The following EML6 variants were observed in gnomAD, a reference collection of about 807,000 sequenced individuals.
EML6 encodes the protein echinoderm microtubule-associated protein-like 6.
In EML6, 154 loss-of-function variants were observed where a neutral mutation model predicts 240.1. The observed-to-expected ratio is 0.64, with a 90% CI of 0.56 to 0.73. The LOEUF is 0.73. EML6 is among the 30% of genes least tolerant of loss of function. The pLI is 0.00. For synonymous variants in EML6, 1,148 were observed against 899.0 expected (o/e 1.28, Z -4.95); for missense variants, 2,964 against 2,474.6 (o/e 1.20, Z -4.20).
intron 26 of EML6, among the ~76,000 whole-genome samples, chr2:54,927,289 C>T (rs983920433): frequency 6.6e-6 from 1 of 152,178 alleles, no homozygotes; most frequent in African/African-American, 2.4e-5. Context: ...ATTACAAAGT[C>T]ACGAACCCTC....
chr2:54,856,346 C>G (rs1405213144), intron 11 of EML6, among the ~76,000 whole-genome samples: 3 of 152,202 alleles, frequency 2.0e-5, no homozygotes, highest in Non-Finnish European at 4.4e-5. Flanking sequence ...CACCCCTACT[C>G]CAATGGGAGA....
At chr2:54,881,367 A>G (rs13410462) in intron 17 of EML6, 58,884 of 152,018 alleles carry the variant, frequency 0.39, 11,859 homozygotes, top group Middle Eastern at 0.48. Flanking sequence ...ACTTTTAAAA[A>G]CAGGAGGCCG....
chr2:54,737,087 G>A (rs554025005), intron 2 of EML6, among the ~76,000 whole-genome samples: 8 of 152,282 alleles, frequency 5.3e-5, no homozygotes, highest in African/African-American at 1.7e-4. Flanking sequence ...AAATTTGAAT[G>A]TGGGACTATA....
At chr2:54,888,794 T>A (rs1672297048) in intron 17 of EML6, among the ~76,000 whole-genome samples, 1 of 152,214 alleles carries the variant, frequency 6.6e-6, no homozygotes, top group Admixed American at 6.5e-5. Flanking sequence ...TGCTGCCACA[T>A]TTTGACAATT....
At chr2:54,940,530 C>A (rs1002672810) in intron 28 of EML6, among the ~76,000 whole-genome samples, 1 of 152,144 alleles carries the variant, frequency 6.6e-6, no homozygotes, top group African/African-American at 2.4e-5. Context: ...TATCATGGGA[C>A]CACTGTGTGT....
At chr2:54,853,347 T>G (rs915156382) in intron 10 of EML6, among the ~76,000 whole-genome samples, 1 of 152,304 alleles carries the variant, frequency 6.6e-6, no homozygotes, top group East Asian at 1.9e-4. Flanking sequence ...TACATTCATG[T>G]GTTTATTGGG....
chr2:54,780,960 T>G (rs1668830628), intron 2 of EML6, among the ~76,000 whole-genome samples: 1 of 152,242 alleles, frequency 6.6e-6, no homozygotes, highest in Admixed American at 6.5e-5. Flanking sequence ...AAAGGAATTA[T>G]TAGCTCTGGC....
Position 54,968,741 on chromosome 2 carries a change from T to C in EML6, c.5825T>C (p.Val1942Ala). The C allele has an allele frequency of 6.5e-7, 1 of 1,548,058 alleles. No individual in the cohort carries two copies. Among genetic ancestry groups the C allele is most frequent in the Non-Finnish European group, 8.7e-7 (1 of 1,143,580 alleles). ...NIRFSYDDKY[V>A]VSTGGDDCSV... ...CGTTTCTCTTATGATGACAAGTATG[T>C]GGTCAGCACTGGAGGAGACGACTGC... Residue 1942 changes from valine to alanine, a missense_variant, in exon 41 of 42, where the codon GTG becomes GCG. Val to Ala is a moderately conservative substitution (Grantham distance 64). Coordinates refer to ENST00000356458, the MANE Select transcript of EML6 (RefSeq NM_001039753.4).
chr2:54,971,021 T>TATGAGAATGAGCTGACTTATCTCG lies in EML6; in HGVS notation c.*927_*950dup, dbSNP rs1249652871. The TATGAGAATGAGCTGACTTATCTCG allele has an allele frequency of 5.3e-5, 8 of 152,348 alleles. No individual in the cohort carries two copies. The highest frequency in any genetic ancestry group is 1.7e-4 in the African/African-American group (7 of 41,572). The allele number at this position is 152,348 out of a possible 1,614,324, so 9.4% of individuals were successfully genotyped here. A position where few individuals can be genotyped will look rare whatever the true frequency, so the allele number is the denominator to read the frequency against. ...AAGGGGAAAAAGGCTCAGGAAGGTC[T>TATGAGAATGAGCTGACTTATCTCG]ATGAGAATGAGCTGACTTATCTCGT... On this transcript the variant is annotated 3_prime_UTR_variant, in exon 42 of 42. Transcript: ENST00000356458.
At chr2:54,827,824 T>A (rs1668670029) in intron 6 of EML6, 73 bp downstream of exon 6, 1 of 1,060,792 alleles carries the variant, frequency 9.4e-7, no homozygotes, top group East Asian at 2.6e-5. Context: ...TCCCTGTATG[T>A]TTCCCTTCTT....
intron 17 of EML6, among the ~76,000 whole-genome samples, chr2:54,883,976 A>C (rs1464331657): frequency 6.6e-6 from 1 of 152,230 alleles, no homozygotes; most frequent in Non-Finnish European, 1.5e-5. Context: ...TTCTCACTCA[A>C]CAACAATCTG....
chr2:54,820,605 T>G (rs1668287947), intron 5 of EML6, 143 bp downstream of exon 5: 1 of 548,242 alleles, frequency 1.8e-6, no homozygotes, highest in Non-Finnish European at 3.2e-6. Context: ...TCTCTGCTCC[T>G]GAAGCAAACT....
At position 54,866,800 on chromosome 2, in the gene EML6, A is replaced by G; in HGVS notation, c.1967A>G (p.Gln656Arg). ...GAAGATCTACCTCAGCTAAAGCAAC[A>G]AAGTAAAGAGAAAAACCACGCAGTG... Reference protein sequence around the residue: ...YKEDLPQLKQQSKEKNHAVPF... With the variant: ...YKEDLPQLKQRSKEKNHAVPF... Residue 656 changes from glutamine to arginine, a missense_variant, in exon 14 of 42, where the codon CAA becomes CGA. Gln to Arg is a conservative substitution (Grantham distance 43). Coordinates refer to ENST00000356458, the MANE Select transcript of EML6 (RefSeq NM_001039753.4). The G allele has an allele frequency of 6.4e-7, 1 of 1,551,132 alleles. No homozygotes were observed. The highest frequency in any genetic ancestry group is 8.7e-7 in the Non-Finnish European group (1 of 1,146,516).
chr2:54,844,814 T>C (rs1669662600), intron 8 of EML6, among the ~76,000 whole-genome samples: 1 of 152,252 alleles, frequency 6.6e-6, no homozygotes, highest in Non-Finnish European at 1.5e-5. Flanking sequence ...TTTTATTCTT[T>C]TGAGAGCCCA....
chr2:54,936,314 C>T (rs765469514), intron 28 of EML6, among the ~76,000 whole-genome samples: 1 of 152,104 alleles, frequency 6.6e-6, no homozygotes, highest in Non-Finnish European at 1.5e-5. Context: ...TATGAGCTGA[C>T]CAGGTATTAG....
chr2:54,954,653 A>G (rs1388729038), intron 32 of EML6, among the ~76,000 whole-genome samples: 1 of 152,086 alleles, frequency 6.6e-6, no homozygotes, highest in South Asian at 2.1e-4. Context: ...TTATCTTACA[A>G]TCCAGGTTTA....
rs1572920260 is a variant in EML6 at position 54,801,910 on chromosome 2, A to G, written c.198-11322A>G. Reference sequence around the variant, plus strand: ...ATTTCTTGAACTACTGTTATCAAGAATAAGTGGTATTTTTCATGATCTTTC... The same window carrying G: ...ATTTCTTGAACTACTGTTATCAAGAGTAAGTGGTATTTTTCATGATCTTTC... On this transcript the variant is annotated intron_variant, in intron 2 of 41. Coordinates refer to ENST00000356458, the MANE Select transcript of EML6 (RefSeq NM_001039753.4). Among the ~76,000 whole-genome samples the G allele has an allele frequency of 2.0e-5, 3 of 152,238 alleles. No individual in the cohort carries two copies. In the South Asian group the frequency reaches 6.2e-4, roughly 32 times the overall value.
At chr2:54,824,766 C>G (rs1668507781) in intron 5 of EML6, among the ~76,000 whole-genome samples, 2 of 152,262 alleles carry the variant, frequency 1.3e-5, no homozygotes, top group East Asian at 3.9e-4. Context: ...GAAGGGACTT[C>G]AGGGACTACC....
intron 22 of EML6, among the ~76,000 whole-genome samples, chr2:54,901,058 A>G (rs147515502): frequency 2.6e-5 from 4 of 152,342 alleles, no homozygotes; most frequent in Admixed American, 6.5e-5. Flanking sequence ...AGTAGTAACA[A>G]TAGTGATGGT....
Sources: gnomAD v4.1 joint callset for allele counts (sites outside exome capture counted in the v4.1 genomes callset) on GRCh38, gnomAD v4.1.1 for gene constraint, MANE v1.5 for transcripts, NCBI Gene and HGNC (gene_info 2026-07-23, HGNC 2026-07-21) for gene names.